SUDS3: variants seen among roughly 807,000 people sequenced by gnomAD.
SUDS3 encodes the protein SIN3A corepressor complex component SDS3, also known as sin3 histone deacetylase corepressor complex component SDS3.
In SUDS3, 23 loss-of-function variants were observed where a neutral mutation model predicts 53.5. That is an observed-to-expected ratio of 0.43 (90% CI 0.31 to 0.61). The LOEUF (loss-of-function observed/expected upper bound fraction) is 0.61, where lower values mean the gene tolerates loss of function less well. SUDS3 is among the 20% of genes least tolerant of loss of function. The probability of loss-of-function intolerance (pLI) is 0.10; values close to 1 mark genes in which losing one functional copy is unlikely to be tolerated. For synonymous variants in SUDS3, 150 were observed against 148.5 expected (o/e 1.01, Z -0.08); for missense variants, 291 against 405.9 (o/e 0.72, Z 2.43).
In SUDS3 at chr12:118,390,078, A is replaced by T. The variant is rs998098955; in HGVS notation, c.360+132A>T. On this transcript the variant is annotated intron_variant, in intron 5 of 11. Transcript: ENST00000543473. ...CCTTCACCACTGTTCTGTTTGACTT[A>T]AGGACATTTGGTCTCAGCTCAGACA... 1.5e-5 allele frequency: 17 copies of T among 1,136,620 alleles called. No homozygotes were observed. The Admixed American group carries it at 3.3e-4, about 22-fold the overall frequency. The allele number at this position is 1,136,620 out of a possible 1,614,324, so 70.4% of individuals were successfully genotyped here.
intron 4 of SUDS3, among the ~76,000 whole-genome samples, chr12:118,386,766 G>T (rs1294039409): frequency 6.6e-6 from 1 of 152,114 alleles, no homozygotes; most frequent in Non-Finnish European, 1.5e-5. Flanking sequence ...AGGACACTTG[G>T]TGTTTCATTG....
intron 1 of SUDS3, among the ~76,000 whole-genome samples, chr12:118,378,217 TC>T (rs1218121659): frequency 3.3e-5 from 5 of 152,210 alleles, no homozygotes; most frequent in Non-Finnish European, 7.3e-5. Flanking sequence ...TTTCGTTTGA[TC>T]ATCTGGCCTC....
At chr12:118,397,782 T>TA (rs977762626) in intron 6 of SUDS3, among the ~76,000 whole-genome samples, 1 of 152,098 alleles carries the variant, frequency 6.6e-6, no homozygotes, top group African/African-American at 2.4e-5. Flanking sequence ...TTGTAAGTGA[T>TA]ACAGTTATGA....
At chr12:118,390,648 C>T (rs111874517) in intron 5 of SUDS3, among the ~76,000 whole-genome samples, 316 of 152,162 alleles carry the variant, frequency 2.1e-3, no homozygotes, top group African/African-American at 7.3e-3. Context: ...ACCACAATGG[C>T]GAGATTTGAA....
At chr12:118,387,752 T>C (rs577300119) in intron 4 of SUDS3, among the ~76,000 whole-genome samples, 1 of 152,304 alleles carries the variant, frequency 6.6e-6, no homozygotes, top group East Asian at 1.9e-4. Flanking sequence ...GTTTTCACCA[T>C]GTTGGCCAGG....
intron 5 of SUDS3, 133 bp from the exon 6 acceptor site, chr12:118,390,993 C>T (rs1381783608): frequency 9.8e-7 from 1 of 1,025,326 alleles, no homozygotes; most frequent in Non-Finnish European, 1.5e-6. Context: ...TGTTCTCAGA[C>T]ACACTGTTAC....
At chr12:118,381,992 C>G (rs994884183) in intron 2 of SUDS3, among the ~76,000 whole-genome samples, 2 of 152,002 alleles carry the variant, frequency 1.3e-5, no homozygotes, top group African/African-American at 2.4e-5. Context: ...TGCTTTGGAA[C>G]TCAAAGGGGT....
At chr12:118,386,960 G>C (rs1252984216) in intron 4 of SUDS3, among the ~76,000 whole-genome samples, 1 of 152,188 alleles carries the variant, frequency 6.6e-6, no homozygotes, top group South Asian at 2.1e-4. Context: ...TGCCAGCAGA[G>C]TCCTTGTTCC....
At chr12:118,410,415 G>T (rs2046347375) in intron 10 of SUDS3, among the ~76,000 whole-genome samples, 1 of 151,932 alleles carries the variant, frequency 6.6e-6, no homozygotes. Context: ...TTTGAACTGG[G>T]TCATATAGTC....
At chr12:118,400,264 C>G (rs537526674) in intron 6 of SUDS3, among the ~76,000 whole-genome samples, 1 of 152,182 alleles carries the variant, frequency 6.6e-6, no homozygotes, top group Non-Finnish European at 1.5e-5. Flanking sequence ...CACCCACCCT[C>G]TTTGGGAGCT....
At chr12:118,389,761 TTGTCA>T (rs2046148619) in intron 4 of SUDS3, among the ~76,000 whole-genome samples, 161 bp from the exon 5 acceptor site, 3 of 152,366 alleles carry the variant, frequency 2.0e-5, no homozygotes, top group African/African-American at 7.2e-5. Flanking sequence ...ACTTGAGTAC[TTGTCA>T]TGTCCTTTCC....
rs1290252497 is a variant in SUDS3 at position 118,401,425 on chromosome 12, G to T, written c.614-334G>T. The stretch of plus-strand genomic sequence containing the variant: ...GATTGGCCTTACCTTGGGTGAGTGT[G>T]TGTGGAAGTCTTTAGATCTTTGGAA... On this transcript the variant is annotated intron_variant, in intron 7 of 11. Coordinates refer to ENST00000543473, the MANE Select transcript of SUDS3 (RefSeq NM_022491.3). 2.0e-5 allele frequency among the ~76,000 whole-genome samples: 3 copies of T among 152,228 alleles called. 1 individual carries two copies. The highest frequency in any genetic ancestry group is 4.4e-5 in the Non-Finnish European group (3 of 68,030).
chr12:118,385,027 G>A (rs896427123), intron 3 of SUDS3, among the ~76,000 whole-genome samples: 3 of 152,328 alleles, frequency 2.0e-5, no homozygotes, highest in South Asian at 2.1e-4. Context: ...CACACTGCAA[G>A]GTCCTGGGGA....
intron 9 of SUDS3, 161 bp downstream of exon 9, chr12:118,402,165 C>G: frequency 1.5e-6 from 1 of 669,658 alleles, no homozygotes; most frequent in Non-Finnish European, 2.6e-6. Flanking sequence ...TTAACTATAC[C>G]CCTCCCTGAT....
At chr12:118,395,015 T>A (rs1178923087) in intron 6 of SUDS3, among the ~76,000 whole-genome samples, 1 of 151,968 alleles carries the variant, frequency 6.6e-6, no homozygotes, top group Non-Finnish European at 1.5e-5. Context: ...CTAAGATATA[T>A]GTGGTTGTAC....
intron 2 of SUDS3, among the ~76,000 whole-genome samples, chr12:118,383,743 T>C (rs2046088529): frequency 6.6e-6 from 1 of 152,220 alleles, no homozygotes; most frequent in Non-Finnish European, 1.5e-5. Context: ...TCGTTGCAAG[T>C]TTTAGACGGA....
At position 118,376,746 on chromosome 12, in the gene SUDS3, GC is replaced by G. The variant is rs1213624676; in HGVS notation, c.60del (p.Glu21SerfsTer46). 4 of 1,539,386 alleles carry G rather than the reference GC, an allele frequency of 2.6e-6. No homozygotes were observed. Among genetic ancestry groups the G allele is most frequent in the East Asian group, 2.5e-5 (1 of 40,186 alleles). On this transcript the variant is annotated frameshift_variant, in exon 1 of 12. Transcript: ENST00000543473. LOFTEE classifies it high-confidence loss of function. The part of the protein sequence containing the change: ...PAPAQAGAPP[A>X]PEYYPEEDEE... The stretch of plus-strand genomic sequence containing the variant: ...CCCGGCCCAGGCTGGAGCGCCGCCG[GC>G]CCCCGAGTACTACCCCGAGGAGGAT...
rs1412409740 is a variant in SUDS3, at chr12:118,376,833, G to A, written c.142G>A (p.Asp48Asn). The A allele has an allele frequency of 1.3e-6, 2 of 1,536,636 alleles. No homozygotes were observed. Among genetic ancestry groups the A allele is most frequent in the South Asian group, 1.2e-5 (1 of 82,926 alleles). The stretch of plus-strand genomic sequence containing the variant: ...CTGTCGGGGCCGCGAGTCGGACGAA[G>A]GTGAGTCCTGCCGCTCGCCCGGCCG... ...RSCRGRESDE[D>N]TEDASETDLA... Residue 48 changes from aspartate to asparagine, a missense_variant and splice_region_variant, in exon 1 of 12, where the codon GAC becomes AAC. Asp to Asn is a conservative substitution (Grantham distance 23). Coordinates refer to ENST00000543473, the MANE Select transcript of SUDS3 (RefSeq NM_022491.3).
intron 11 of SUDS3, 62 bp from the exon 12 acceptor site, chr12:118,414,273 T>C: frequency 8.3e-7 from 1 of 1,203,938 alleles, no homozygotes; most frequent in South Asian, 1.3e-5. Flanking sequence ...ATTTTGATGG[T>C]GTAGGAGATT....
Sources: allele counts gnomAD v4.1 joint callset (sites outside exome capture counted in the v4.1 genomes callset), GRCh38; gene constraint gnomAD v4.1.1; transcripts MANE v1.5; gene names NCBI Gene and HGNC (gene_info 2026-07-23, HGNC 2026-07-21).